Variants in LYST observed in about 807,000 individuals in gnomAD.
The protein encoded by LYST is lysosomal-trafficking regulator.
In LYST, 192 loss-of-function variants were observed where a neutral mutation model predicts 413.6. That is an observed-to-expected ratio of 0.46 (90% confidence interval 0.41 to 0.52). The LOEUF is 0.52. Among genes scored for constraint, LYST ranks in the 20% least tolerant of loss-of-function variants. LYST has a pLI of 0.00. For missense variants in LYST, 3,815 were observed against 4,499.9 expected (o/e 0.85, Z 4.35); for synonymous variants, 1,525 against 1,567.3 (o/e 0.97, Z 0.64).
chr1:235,879,514 T>C (rs1335143475), intron 1 of LYST, among the ~76,000 whole-genome samples: 1 of 152,214 alleles, frequency 6.6e-6, no homozygotes, highest in East Asian at 1.9e-4. Flanking sequence ...AGGACACTGT[T>C]TGAAGGGAAA....
intron 28 of LYST, among the ~76,000 whole-genome samples, chr1:235,747,485 T>C (rs1666042273): frequency 6.6e-6 from 1 of 152,134 alleles, no homozygotes; most frequent in South Asian, 2.1e-4. Context: ...GTATTTTGGG[T>C]AATTAGTATT....
chr1:235,786,110 T>C (rs1011582198), intron 14 of LYST, among the ~76,000 whole-genome samples: 2 of 152,240 alleles, frequency 1.3e-5, no homozygotes, highest in African/African-American at 4.8e-5. Flanking sequence ...TTATAATATA[T>C]GGGCTTGCAG....
chr1:235,734,399 A>G, intron 32 of LYST, 84 bp downstream of exon 32: 1 of 1,025,432 alleles, frequency 9.8e-7, no homozygotes, highest in Non-Finnish European at 1.6e-6. Flanking sequence ...CATCAATGAT[A>G]GCCTGTTCTT....
chr1:235,800,501 T>C, intron 9 of LYST, 115 bp from the exon 10 acceptor site: 1 of 660,380 alleles, frequency 1.5e-6, no homozygotes, highest in Admixed American at 2.7e-5. Context: ...ATATATGTAT[T>C]TAAAAATGAC....
chr1:235,803,973 A>C (rs866720187), intron 7 of LYST, among the ~76,000 whole-genome samples: 2 of 152,340 alleles, frequency 1.3e-5, no homozygotes, highest in Middle Eastern at 6.8e-3. Context: ...TGTACCACAT[A>C]ATTTTAGGAA....
chr1:235,878,712 T>C (rs1681243936), intron 1 of LYST, among the ~76,000 whole-genome samples: 1 of 152,182 alleles, frequency 6.6e-6, no homozygotes, highest in African/African-American at 2.4e-5. Flanking sequence ...TGCTGACTGA[T>C]AATTAGGTCT....
rs762813007 is a variant in LYST at position 235,759,407 on chromosome 1, G to T, written c.6446C>A (p.Ser2149Tyr). 5.6e-6 allele frequency: 9 copies of T among 1,614,096 alleles called. No homozygotes were observed. The South Asian group carries it at 6.6e-5, about 12-fold the overall frequency. ...TTTCAGTGTGTCGGAACTCCCCAAA[G>T]AATTTTGTTTCTTTGATTGGGTGGC... The part of the protein sequence containing the change: ...YVATQSKKQN[S>Y]LGSSDTLKKG... Residue 2149 changes from serine (S) to tyrosine (Y), a missense_variant, in exon 23 of 53, where the codon TCT becomes TAT. Coordinates refer to ENST00000389793, the MANE Select transcript of LYST (RefSeq NM_000081.4).
At chr1:235,767,110 C>G (rs771897075) in intron 20 of LYST, among the ~76,000 whole-genome samples, 1 of 152,046 alleles carries the variant, frequency 6.6e-6, no homozygotes, top group Non-Finnish European at 1.5e-5. Flanking sequence ...AAAATGCCAA[C>G]TAATTACTAA....
intron 3 of LYST, among the ~76,000 whole-genome samples, chr1:235,813,426 G>A (rs1191757833): frequency 6.6e-6 from 1 of 152,116 alleles, no homozygotes; most frequent in Non-Finnish European, 1.5e-5. Flanking sequence ...ATGCTACAAA[G>A]TTACTAGAAA....
At chr1:235,778,360 A>C (rs912574496) in intron 16 of LYST, among the ~76,000 whole-genome samples, 10 of 150,872 alleles carry the variant, frequency 6.6e-5, no homozygotes, top group African/African-American at 2.2e-4. Flanking sequence ...TGCTTAGATT[A>C]TTCTTATTAT....
At chr1:235,753,311 C>T (rs1382482249) in intron 25 of LYST, 37 bp from the exon 26 acceptor site, 3 of 1,238,144 alleles carry the variant, frequency 2.4e-6, no homozygotes, top group African/African-American at 3.0e-5. Context: ...ACATTAGAAA[C>T]AATCACAAAA....
chr1:235,735,732 T>C (rs770885913), intron 31 of LYST: 1 of 152,174 alleles, frequency 6.6e-6, no homozygotes, highest in African/African-American at 2.4e-5. Context: ...TTGGGTGATA[T>C]TTAAATTAAC....
In LYST at chr1:235,724,136, A is replaced by T; in HGVS notation, c.9207T>A (p.Tyr3069Ter). The T allele has an allele frequency of 6.2e-7, 1 of 1,613,832 alleles. No individual in the cohort carries two copies. Among genetic ancestry groups the T allele is most frequent in the Non-Finnish European group, 8.5e-7 (1 of 1,179,768 alleles). ...GCTTGTGAACTTCTTTAATTTCTTC[A>T]TATGTCCAGGAAAATGATGCTGGTT... Reference protein sequence around the residue: ...ELEPASFSWTYEEIKEVHKRW... With the variant: ...ELEPASFSWT Residue 3069 changes from tyrosine (Y) to a stop codon, truncating the protein, a stop_gained, in exon 39 of 53, where the codon TAT becomes TAA. Coordinates refer to ENST00000389793, the MANE Select transcript of LYST (RefSeq NM_000081.4). LOFTEE classifies it high-confidence loss of function.
chr1:235,823,052 C>G (rs1420600111), intron 3 of LYST, among the ~76,000 whole-genome samples: 2 of 152,168 alleles, frequency 1.3e-5, no homozygotes, highest in Admixed American at 6.5e-5. Context: ...GAATCATGAG[C>G]AAAGAAATCA....
At chr1:235,724,866 C>G (rs946350795) in intron 38 of LYST, among the ~76,000 whole-genome samples, 1 of 152,130 alleles carries the variant, frequency 6.6e-6, no homozygotes, top group African/African-American at 2.4e-5. Context: ...AATGACATCC[C>G]CAGAAGTCAA....
intron 31 of LYST, chr1:235,738,941 G>T (rs1213585964): frequency 2.7e-6 from 2 of 727,742 alleles, no homozygotes; most frequent in Non-Finnish European, 5.1e-6. Flanking sequence ...CCCATTTGAA[G>T]AACAGTGCAG....
At chr1:235,741,332 G>T in intron 31 of LYST, 90 bp downstream of exon 31, 1 of 1,115,932 alleles carries the variant, frequency 9.0e-7, no homozygotes, top group South Asian at 1.2e-5. Context: ...AATTAGGCAT[G>T]AACATTCAGT....
chr1:235,852,237 T>A (rs1678626695), intron 1 of LYST, among the ~76,000 whole-genome samples: 1 of 152,190 alleles, frequency 6.6e-6, no homozygotes, highest in South Asian at 2.1e-4. Context: ...TAGTAACAAC[T>A]CATGCCTCAA....
At chr1:235,737,918 T>TGAA in intron 31 of LYST, 1 of 1,164,676 alleles carries the variant, frequency 8.6e-7, no homozygotes, top group Non-Finnish European at 1.1e-6. Context: ...TGCCGACGAG[T>TGAA]CTGGATCTCA....
Sources: gnomAD v4.1 joint callset for allele counts (sites outside exome capture counted in the v4.1 genomes callset) on GRCh38, gnomAD v4.1.1 for gene constraint, MANE v1.5 for transcripts, NCBI Gene and HGNC (gene_info 2026-07-23, HGNC 2026-07-21) for gene names.